The following TMEM94 variants were observed in gnomAD, a reference collection of about 807,000 sequenced individuals.
The protein encoded by TMEM94 is transmembrane protein 94, also known as ER Mg2+ ATPase.
A neutral mutation model predicts 158.6 loss-of-function variants in TMEM94; 81 were observed. The observed-to-expected ratio is 0.51, with a 90% CI of 0.43 to 0.61. The LOEUF (loss-of-function observed/expected upper bound fraction) is 0.61, where lower values mean the gene tolerates loss of function less well. Among genes scored for constraint, TMEM94 ranks in the 20% least tolerant of loss-of-function variants. TMEM94 has a pLI of 0.00. For synonymous variants in TMEM94, 751 were observed against 730.7 expected (o/e 1.03, Z -0.45); for missense variants, 1,435 against 1,762.0 (o/e 0.81, Z 3.32).
intron 1 of TMEM94, among the ~76,000 whole-genome samples, chr17:75,462,524 G>A (rs1444644272): frequency 6.6e-6 from 1 of 151,212 alleles, no homozygotes; most frequent in Non-Finnish European, 1.5e-5. Flanking sequence ...GCTTCACAGG[G>A]CAGCCTATTC....
chr17:75,478,042 G>A (rs1424588416), intron 2 of TMEM94, among the ~76,000 whole-genome samples: 2 of 91,710 alleles, frequency 2.2e-5, no homozygotes, highest in African/African-American at 5.0e-5. Context: ...TTGAGACGGA[G>A]TCTCGCTCTG....
In TMEM94 at chr17:75,475,828, G is replaced by A. The variant is rs545004916; in HGVS notation, c.24+3899G>A. Among the ~76,000 whole-genome samples, 9 of 152,302 alleles carry A rather than the reference G, an allele frequency of 5.9e-5. No homozygotes were observed. In the South Asian group the frequency reaches 1.4e-3, roughly 25 times the overall value. On this transcript the variant is annotated intron_variant, in intron 2 of 31. Transcript: ENST00000314256. ...TCCCTGCATGGCTGTGAGGGTCTCC[G>A]TGCTACCTGGCAGGAAGGTGTTGGA... is the stretch of plus-strand genomic sequence containing the variant.
intron 26 of TMEM94, 97 bp from the exon 27 acceptor site, chr17:75,497,684 C>A: frequency 1.1e-6 from 1 of 931,870 alleles, no homozygotes; most frequent in Non-Finnish European, 1.7e-6. Context: ...TCACCAGACT[C>A]GACCTCACGC....
chr17:75,480,901 A>C (rs1420774785), intron 2 of TMEM94, among the ~76,000 whole-genome samples: 1 of 152,010 alleles, frequency 6.6e-6, no homozygotes, highest in Non-Finnish European at 1.5e-5. Flanking sequence ...GGTATGGGCC[A>C]TTCTGTCCTG....
intron 1 of TMEM94, among the ~76,000 whole-genome samples, chr17:75,465,382 A>G (rs1178619473): frequency 6.6e-6 from 1 of 151,478 alleles, no homozygotes; most frequent in Non-Finnish European, 1.5e-5. Context: ...ATTCATATTG[A>G]CTGTTTATAT....
chr17:75,492,460 C>A lies in TMEM94; in HGVS notation c.1597-14C>A, dbSNP rs774880553. The A allele has an allele frequency of 5.8e-6, 9 of 1,562,224 alleles. No homozygotes were observed. Among genetic ancestry groups the A allele is most frequent in the Non-Finnish European group, 7.8e-6 (9 of 1,150,436 alleles). On this transcript the variant is annotated splice_polypyrimidine_tract_variant and intron_variant, in intron 14 of 31. Coordinates refer to ENST00000314256, the MANE Select transcript of TMEM94 (RefSeq NM_014738.6). The surrounding 1 kb of genome is among the most constrained non-coding windows in gnomAD (Gnocchi z 4.4). ...CCTATCCCGGGCTGAGGCTCTCCTCCACATTTCCCCCAGACCCAGCCTGGG... is the reference window on the plus strand; with the variant it reads ...CCTATCCCGGGCTGAGGCTCTCCTCAACATTTCCCCCAGACCCAGCCTGGG...
In TMEM94 at chr17:75,498,649, G is replaced by A; in HGVS notation, c.3754G>A (p.Val1252Met). Residue 1252 changes from valine to methionine, a missense_variant, in exon 30 of 32, where the codon GTG (valine) becomes ATG (methionine). This residue lies in a region of TMEM94 where 335 missense variants were observed against 409.1 expected (regional missense o/e 0.82). Transcript: ENST00000314256. The surrounding 1 kb of genome is among the most constrained non-coding windows in gnomAD (Gnocchi z 6.7). ...CCCAGTCTTCATTTCCATCACCCAT[G>A]TGCATCGCACCAAGCCCCTGTGGAG... ...LHTVFISITHVHRTKPLWRKS... is the reference protein window; with the variant it reads ...LHTVFISITHMHRTKPLWRKS... 1 of 1,608,928 alleles carries A rather than the reference G, an allele frequency of 6.2e-7. No homozygotes were observed. The highest frequency in any genetic ancestry group is 2.2e-5 in the East Asian group (1 of 44,876).
At chr17:75,488,156 C>T in intron 6 of TMEM94, 22 bp downstream of exon 6, 2 of 1,612,088 alleles carry the variant, frequency 1.2e-6, no homozygotes, top group African/African-American at 1.3e-5. Context: ...CTTTCCTTCT[C>T]CCTTGGAAAT....
intron 2 of TMEM94, among the ~76,000 whole-genome samples, chr17:75,482,610 G>A (rs889353090): frequency 1.3e-5 from 2 of 152,140 alleles, no homozygotes; most frequent in Non-Finnish European, 2.9e-5. Context: ...TTTTGGTTCA[G>A]TAGGTCCGGA....
Position 75,490,276 on chromosome 17 carries a change from C to G in TMEM94, c.997C>G (p.Leu333Val). 1 of 1,614,132 alleles carries G rather than the reference C, an allele frequency of 6.2e-7. No individual in the cohort carries two copies. Reference sequence around the variant, plus strand: ...CATCCTCCCCCTGCTCTTTCCAGTCCTCTGGGTTCTGGCAACTGCCTGTGG... The same window carrying G: ...CATCCTCCCCCTGCTCTTTCCAGTCGTCTGGGTTCTGGCAACTGCCTGTGG... ...LPILPLLFPVLWVLATACGEA... is the reference protein window; with the variant it reads ...LPILPLLFPVVWVLATACGEA... The change falls in exon 10 of 32, where the codon CTC (leucine) becomes GTC (valine). Residue 333 changes from leucine to valine, a missense_variant. Coordinates refer to ENST00000314256, the MANE Select transcript of TMEM94 (RefSeq NM_014738.6).
At chr17:75,472,524 C>G (rs1366935696) in intron 2 of TMEM94, among the ~76,000 whole-genome samples, 1 of 152,242 alleles carries the variant, frequency 6.6e-6, no homozygotes, top group Non-Finnish European at 1.5e-5. Flanking sequence ...TGTCTCTTGC[C>G]TAGCTTCTGC....
Position 75,497,862 on chromosome 17 carries a change from G to C in TMEM94, c.3489G>C (p.Lys1163Asn). The change falls in exon 27 of 32, where the codon AAG becomes AAC. Residue 1163 changes from lysine (K) to asparagine (N), a missense_variant and splice_region_variant. Physicochemically the swap from Lys to Asn is moderately conservative, Grantham distance 94 (BLOSUM62 0). This residue lies in a region of TMEM94 where 335 missense variants were observed against 409.1 expected (regional missense o/e 0.82). Coordinates refer to ENST00000314256, the MANE Select transcript of TMEM94 (RefSeq NM_014738.6). ...TGKNLQSIPK[K>N]TQHYFLLCFL... ...AAAACCTCCAGTCCATTCCCAAGAAGGTAAGCAAAACAGACCCTGTGAGCC... is the reference window on the plus strand; with the variant it reads ...AAAACCTCCAGTCCATTCCCAAGAACGTAAGCAAAACAGACCCTGTGAGCC... The C allele has an allele frequency of 6.2e-7, 1 of 1,613,360 alleles. No individual in the cohort carries two copies. Among genetic ancestry groups the C allele is most frequent in the Non-Finnish European group, 8.5e-7 (1 of 1,179,498 alleles).
At position 75,496,045 on chromosome 17, in the gene TMEM94, C is replaced by T. The variant is rs2052647611; in HGVS notation, c.3024C>T (p.Asn1008=). 1.2e-6 allele frequency: 2 copies of T among 1,612,880 alleles called. No homozygotes were observed. Among genetic ancestry groups the T allele is most frequent in the Admixed American group, 1.7e-5 (1 of 59,958 alleles). Residue 1008 remains asparagine (N), a synonymous_variant, in exon 23 of 32, where the codon AAC becomes AAT. Transcript: ENST00000314256. ...CCLGSSANLR[N]SCLFLQSDIS... ...TGGGCAGCTCTGCCAACCTGCGGAACAGCTGCCTCTTCCTCCAGAGCGACA... is the reference window on the plus strand; with the variant it reads ...TGGGCAGCTCTGCCAACCTGCGGAATAGCTGCCTCTTCCTCCAGAGCGACA...
intron 25 of TMEM94, 131 bp downstream of exon 25, chr17:75,496,938 C>T: frequency 9.1e-7 from 1 of 1,101,060 alleles, no homozygotes; most frequent in Non-Finnish European, 1.4e-6. Context: ...CTCTGTGAAG[C>T]CCCTGGGCTT....
At chr17:75,477,612 C>A (rs1170660971) in intron 2 of TMEM94, among the ~76,000 whole-genome samples, 3 of 152,100 alleles carry the variant, frequency 2.0e-5, no homozygotes, top group Non-Finnish European at 4.4e-5. Flanking sequence ...AAATTCATAA[C>A]CTGTCTACCT....
At chr17:75,482,515 A>AATAT (rs201610153) in intron 2 of TMEM94, among the ~76,000 whole-genome samples, 234 of 134,506 alleles carry the variant, frequency 1.7e-3, no homozygotes, top group Non-Finnish European at 2.7e-3. Flanking sequence ...TCAATTTAAA[A>AATAT]ATATATATAT....
rs2053104170 is a variant in TMEM94 at position 75,499,555 on chromosome 17, C to T, written c.*221C>T. On this transcript the variant is annotated 3_prime_UTR_variant, in exon 32 of 32. Coordinates refer to ENST00000314256, the MANE Select transcript of TMEM94 (RefSeq NM_014738.6). Reference sequence around the variant, plus strand: ...GCCCTTGGCCAGTCCTGGCTCTTCCCTGGGCCTCACCAGGGACACTCTTGA... The same window carrying T: ...GCCCTTGGCCAGTCCTGGCTCTTCCTTGGGCCTCACCAGGGACACTCTTGA... The T allele has an allele frequency of 1.7e-6, 1 of 589,144 alleles. No homozygotes were observed. Among genetic ancestry groups the T allele is most frequent in the African/African-American group, 1.9e-5 (1 of 53,368 alleles). The allele number at this position is 589,144 out of a possible 1,614,324, so 36.5% of individuals were successfully genotyped here. A position where few individuals can be genotyped will look rare whatever the true frequency, so the allele number is the denominator to read the frequency against.
At position 75,487,773 on chromosome 17, in the gene TMEM94, T is replaced by C. The variant is rs1029283064; in HGVS notation, c.410-159T>C. On this transcript the variant is annotated intron_variant, in intron 5 of 31. Transcript: ENST00000314256. The surrounding 1 kb of genome is among the most constrained non-coding windows in gnomAD (Gnocchi z 4.6). Reference sequence around the variant, plus strand: ...CGGGTAGGGCTTTATAAGGGAGGCATCCTTGAAAGCAGGGAAGTGTTGGAA... The same window carrying C: ...CGGGTAGGGCTTTATAAGGGAGGCACCCTTGAAAGCAGGGAAGTGTTGGAA... Among the ~76,000 whole-genome samples, 3 of 152,042 alleles carry C rather than the reference T, an allele frequency of 2.0e-5. No individual in the cohort carries two copies. The highest frequency in any genetic ancestry group is 7.2e-5 in the African/African-American group (3 of 41,380).
intron 2 of TMEM94, among the ~76,000 whole-genome samples, chr17:75,478,808 GCCTCCCTTCC>G (rs2050926026): frequency 6.6e-6 from 1 of 152,194 alleles, no homozygotes; most frequent in African/African-American, 2.4e-5. Context: ...GAGAAGTAGG[GCCTCCCTTCC>G]CCTTGGTGTG....
Sources: allele counts gnomAD v4.1 joint callset (sites outside exome capture counted in the v4.1 genomes callset), GRCh38; gene constraint gnomAD v4.1.1; regional missense constraint gnomAD v4.1.1; non-coding constraint Gnocchi (gnomAD v3.1); transcripts MANE v1.5; gene names NCBI Gene and HGNC (gene_info 2026-07-23, HGNC 2026-07-21).